Variants in TJP1 observed in about 807,000 individuals in gnomAD.
TJP1 encodes tight junction protein ZO-1.
A neutral mutation model predicts 194.2 loss-of-function variants in TJP1; 43 were observed. That is an observed-to-expected ratio of 0.22 (90% CI 0.17 to 0.29). The LOEUF is 0.29. TJP1 is among the 10% of genes least tolerant of loss of function. The pLI is 1.00. For missense variants in TJP1, 1,971 were observed against 2,185.7 expected, an observed-to-expected ratio of 0.90 and a Z score of 1.96; for synonymous variants, 801 against 779.0, an observed-to-expected ratio of 1.03 and a Z score of -0.47.
At chr15:29,959,790 T>A (rs1032747883) in intron 1 of TJP1, among the ~76,000 whole-genome samples, 6 of 152,206 alleles carry the variant, frequency 3.9e-5, no homozygotes, top group Non-Finnish European at 7.3e-5. Context: ...TTAATTTTCT[T>A]CTTTCATTGA....
At chr15:29,730,925 A>G in intron 15 of TJP1, 1 of 1,219,454 alleles carries the variant, frequency 8.2e-7, no homozygotes, top group South Asian at 1.2e-5. Flanking sequence ...ACCCTGCAGA[A>G]AATGGAGATG....
chr15:29,867,196 T>C (rs2040257187), intron 2 of TJP1, among the ~76,000 whole-genome samples: 1 of 152,184 alleles, frequency 6.6e-6, no homozygotes, highest in South Asian at 2.1e-4. Context: ...ATTCAACCCA[T>C]CGATGTTGAG....
At position 29,822,216 on chromosome 15, in the gene TJP1, G is replaced by A. The variant is rs1433622436; in HGVS notation, c.-188C>T. 2.5e-6 allele frequency: 3 copies of A among 1,177,394 alleles called. No homozygotes were observed. The highest frequency in any genetic ancestry group is 4.6e-5 in the Admixed American group (1 of 21,834). The allele number at this position is 1,177,394 out of a possible 1,614,324, so 72.9% of individuals were successfully genotyped here. ...TCGGACAAAAGTCCGGGAAGCGCCC[G>A]CCCCGCCCGGGTCTTCTCCACGGGG... On this transcript the variant is annotated 5_prime_UTR_variant, in exon 1 of 28. Coordinates refer to ENST00000614355, the MANE Select transcript of TJP1 (RefSeq NM_001330239.4).
intron 2 of TJP1, among the ~76,000 whole-genome samples, chr15:29,912,846 G>A (rs992907485): frequency 5.3e-5 from 8 of 152,044 alleles, no homozygotes; most frequent in African/African-American, 1.9e-4. Context: ...TAGAGTGAAT[G>A]CTACCGTATG....
At chr15:29,805,097 T>C (rs747785671) in intron 1 of TJP1, among the ~76,000 whole-genome samples, 1 of 152,238 alleles carries the variant, frequency 6.6e-6, no homozygotes, top group African/African-American at 2.4e-5. Flanking sequence ...CAAAAGTGAC[T>C]GCAATTCATG....
rs1297966070 is a variant in TJP1 at position 29,718,249 on chromosome 15, A to G, written c.3876+17T>C. The G allele has an allele frequency of 1.2e-6, 2 of 1,608,346 alleles. No individual in the cohort carries two copies. The highest frequency in any genetic ancestry group is 1.7e-5 in the Admixed American group (1 of 59,424). The stretch of plus-strand genomic sequence containing the variant: ...AACGGTGTGCCCATGCATCCAAGGC[A>G]CTAAAGACATATTTACCTTAAAACT... On this transcript the variant is annotated intron_variant, in intron 21 of 27. Transcript: ENST00000614355.
At position 29,761,647 on chromosome 15, in the gene TJP1, A is replaced by G. The variant is rs2046015810; in HGVS notation, c.816T>C (p.Pro272=). The G allele has an allele frequency of 6.2e-7, 1 of 1,609,946 alleles. No individual in the cohort carries two copies. Among genetic ancestry groups the G allele is most frequent in the Non-Finnish European group, 8.5e-7 (1 of 1,176,638 alleles). Residue 272 remains proline (P), a synonymous_variant, in exon 7 of 28, where the codon CCT becomes CCC. Coordinates refer to ENST00000614355, the MANE Select transcript of TJP1 (RefSeq NM_001330239.4). ...CAGAGTGGATGCTGTCAGAAAGATC[A>G]GGGACATTCAATAGCGTAGCCCGTT... ...RDERATLLNV[P]DLSDSIHSAN...
chr15:29,879,278 G>C (rs369373728), intron 2 of TJP1, among the ~76,000 whole-genome samples: 1 of 152,222 alleles, frequency 6.6e-6, no homozygotes, highest in South Asian at 2.1e-4. Context: ...AGGTAGGAAA[G>C]GTAACGCCAT....
chr15:29,944,242 G>A (rs1234048405), intron 2 of TJP1, among the ~76,000 whole-genome samples: 2 of 151,706 alleles, frequency 1.3e-5, no homozygotes, highest in East Asian at 2.0e-4. Flanking sequence ...ACAGGCGCCC[G>A]CCACCACACC....
intron 1 of TJP1, among the ~76,000 whole-genome samples, chr15:29,802,794 T>C (rs966174379): frequency 1.3e-5 from 2 of 152,204 alleles, no homozygotes; most frequent in East Asian, 3.8e-4. Flanking sequence ...TCTTGATCTA[T>C]TTCATTAACC....
intron 2 of TJP1, among the ~76,000 whole-genome samples, chr15:29,792,651 G>A (rs904351015): frequency 1.3e-5 from 2 of 152,168 alleles, no homozygotes; most frequent in East Asian, 1.9e-4. Flanking sequence ...TGTCATTGGT[G>A]TTTTGACAAG....
intron 1 of TJP1, among the ~76,000 whole-genome samples, chr15:29,816,641 A>AAC (rs1259568118): frequency 6.6e-6 from 1 of 152,188 alleles, no homozygotes; most frequent in Non-Finnish European, 1.5e-5. Context: ...ATTGATCAGT[A>AAC]ACTATCATAA....
intron 3 of TJP1, 38 bp downstream of exon 3, chr15:29,773,195 G>A: frequency 6.2e-7 from 1 of 1,610,198 alleles, no homozygotes; most frequent in Non-Finnish European, 8.5e-7. Flanking sequence ...GAGGAACACT[G>A]CTTGTTGCAC....
chr15:29,929,811 A>G (rs1164014653), intron 2 of TJP1, among the ~76,000 whole-genome samples: 1 of 152,078 alleles, frequency 6.6e-6, no homozygotes, highest in East Asian at 1.9e-4. Context: ...CAAAAAAAAA[A>G]TCCTGATTTT....
At chr15:29,804,904 G>A (rs2049020255) in intron 1 of TJP1, among the ~76,000 whole-genome samples, 1 of 152,162 alleles carries the variant, frequency 6.6e-6, no homozygotes, top group Non-Finnish European at 1.5e-5. Context: ...CCAGGCATAA[G>A]GAGACCAGAG....
intron 2 of TJP1, among the ~76,000 whole-genome samples, chr15:29,949,753 T>C (rs1392577375): frequency 0.12 from 1,312 of 10,952 alleles, 5 homozygotes; most frequent in Non-Finnish European, 0.13. Context: ...CCACCTCCAC[T>C]TTCACCACCA....
intron 26 of TJP1, 111 bp from the exon 27 acceptor site, chr15:29,704,416 G>C (rs755828352): frequency 6.8e-4 from 898 of 1,329,196 alleles, no homozygotes; most frequent in Non-Finnish European, 8.6e-4. Context: ...AATGGAGTTA[G>C]TTCTCTACAG....
At chr15:29,865,903 T>C (rs551261864) in intron 2 of TJP1, among the ~76,000 whole-genome samples, 138 of 152,288 alleles carry the variant, frequency 9.1e-4, no homozygotes, top group Middle Eastern at 6.8e-3. Context: ...TTTATTGAGA[T>C]CAATTCAAAT....
intron 23 of TJP1, among the ~76,000 whole-genome samples, chr15:29,713,094 A>G (rs2042339598): frequency 6.6e-6 from 1 of 152,176 alleles, no homozygotes; most frequent in African/African-American, 2.4e-5. Context: ...ACAAACACAA[A>G]AACAACTGAA....
Sources: allele counts gnomAD v4.1 joint callset (sites outside exome capture counted in the v4.1 genomes callset), GRCh38; gene constraint gnomAD v4.1.1; transcripts MANE v1.5; gene names NCBI Gene and HGNC (gene_info 2026-07-23, HGNC 2026-07-21).